The following XKR5 variants were observed in gnomAD, a reference collection of about 807,000 sequenced individuals.
XKR5 encodes XK related 5, also known as XK-related protein 5.
XKR5 carries 46 observed loss-of-function variants against 40.8 expected under a neutral mutation model. The observed-to-expected ratio is 1.13, with a 90% CI of 0.89 to 1.44. The LOEUF (loss-of-function observed/expected upper bound fraction) is 1.44. Among genes scored for constraint, XKR5 ranks in the 40% most tolerant of loss-of-function variants. The pLI, the probability that XKR5 is intolerant of heterozygous loss-of-function variation, is 0.00. For missense variants in XKR5, 1,169 were observed against 844.7 expected, an observed-to-expected ratio of 1.38 and a Z score of -4.76; for synonymous variants, 466 against 356.1, an observed-to-expected ratio of 1.31 and a Z score of -3.48.
rs1395653817 is a variant in XKR5 at position 6,815,854 on chromosome 8, C to T, written c.872G>A (p.Trp291Ter). 6.9e-6 allele frequency: 11 copies of T among 1,605,610 alleles called. No homozygotes were observed. The highest frequency in any genetic ancestry group is 1.1e-5 in the South Asian group (1 of 89,088). The change falls in exon 6 of 7, where the codon TGG (tryptophan) becomes TAG (stop). Residue 291 changes from tryptophan (W) to a stop codon, truncating the protein, a stop_gained. Coordinates refer to ENST00000618742, the MANE Select transcript of XKR5 (RefSeq NM_207411.5). LOFTEE classifies it low-confidence loss of function (END_TRUNC). ...CCCAGCTATGGTCTGCAGGCTGGTC[C>T]ACGATGCCCCCTGGAGAAAGTCGGT... ...LATDFLQGASWTSLQTIAGVL... is the reference protein window; with the variant it reads ...LATDFLQGAS
chr8:6,829,300 T>C (rs995218657), intron 2 of XKR5: 3 of 169,222 alleles, frequency 1.8e-5, no homozygotes, highest in Non-Finnish European at 4.4e-5. Flanking sequence ...ACAAGTGGAT[T>C]TGTGGGCTTA....
intron 2 of XKR5, 101 bp from the exon 3 acceptor site, chr8:6,825,450 T>G (rs1377045823): frequency 1.6e-6 from 2 of 1,228,358 alleles, no homozygotes; most frequent in African/African-American, 3.1e-5. Context: ...AGCAATATCC[T>G]ATGCCCTTAC....
At chr8:6,829,826 CTTTTTTTTTTTTTTTTT>C (rs140715953) in intron 2 of XKR5, among the ~76,000 whole-genome samples, 11 of 63,530 alleles carry the variant, frequency 1.7e-4, no homozygotes, top group Non-Finnish European at 2.9e-4. Context: ...CAAATTCTTG[CTTTTTTTTTTTTTTTTT>C]TTTTTTTTTT....
intron 4 of XKR5, 22 bp from the exon 5 acceptor site, chr8:6,822,060 A>G (rs1804264548): frequency 6.3e-7 from 1 of 1,591,250 alleles, no homozygotes; most frequent in Non-Finnish European, 8.6e-7. Context: ...CCGGGTGCAG[A>G]CGTCAGGGTC....
At position 6,825,136 on chromosome 8, in the gene XKR5, G is replaced by T. The variant is rs369074835; in HGVS notation, c.427+29C>A. ...CCTGTCCCCCTTCGGCAGTCAGACA[G>T]TCTGTGCTCTGTGGTGACAGTTACT... On this transcript the variant is annotated intron_variant, in intron 3 of 6. Transcript: ENST00000618742. 75 of 1,611,542 alleles carry T rather than the reference G, an allele frequency of 4.7e-5. 2 individuals carry two copies. In the African/African-American group the frequency reaches 5.6e-4, roughly 12 times the overall value.
Position 6,827,822 on chromosome 8 carries a change from T to C in XKR5, c.243-2473A>G, listed in dbSNP as rs544470685. On this transcript the variant is annotated intron_variant, in intron 2 of 6. Coordinates refer to ENST00000618742, the MANE Select transcript of XKR5 (RefSeq NM_207411.5). ...AGTAAGAGAAATGAATCCCAGCTTT[T>C]TGGGAGGCCAAGGCAGGAGGATTGC... Among the ~76,000 whole-genome samples, 9 of 152,260 alleles carry C rather than the reference T, an allele frequency of 5.9e-5. No homozygotes were observed. In the South Asian group the frequency reaches 1.9e-3, roughly 32 times the overall value.
At chr8:6,835,042 G>C (rs1407378456) in intron 1 of XKR5, among the ~76,000 whole-genome samples, 4 of 152,180 alleles carry the variant, frequency 2.6e-5, no homozygotes, top group Non-Finnish European at 4.4e-5. Context: ...CTTGCGCTCA[G>C]CACATCTTGG....
chr8:6,819,315 A>G (rs1275585794), intron 5 of XKR5, among the ~76,000 whole-genome samples: 2 of 152,194 alleles, frequency 1.3e-5, no homozygotes, highest in African/African-American at 4.8e-5. Flanking sequence ...GCAGAAGGTA[A>G]TGCTTTCGGA....
rs888050859 is a variant in XKR5 at position 6,809,535 on chromosome 8, C to G, written c.*1663G>C. On this transcript the variant is annotated 3_prime_UTR_variant, in exon 7 of 7. Transcript: ENST00000618742. Reference sequence around the variant, plus strand: ...AACTTCTGGCCTCAAGTGATCTTCCCGCCTCAGCCTCTCAAAGTGCTGGGA... The same window carrying G: ...AACTTCTGGCCTCAAGTGATCTTCCGGCCTCAGCCTCTCAAAGTGCTGGGA... 1 of 152,124 alleles carries G rather than the reference C, an allele frequency of 6.6e-6. No homozygotes were observed. Among genetic ancestry groups the G allele is most frequent in the Non-Finnish European group, 1.5e-5 (1 of 68,044 alleles). 9.4% of individuals were successfully genotyped at this position (152,124 alleles called of 1,614,324 possible).
rs774410247 is a variant in XKR5 at position 6,812,219 on chromosome 8, G to A, written c.1040C>T (p.Ser347Phe). ...AGGDKTERRD[S>F]PRATDLAGKR... ...CCCAGCTAGATCTGTGGCCCGGGGA[G>A]AATCTCTTCTCTCTGTTTTATCACC... is the stretch of plus-strand genomic sequence containing the variant. The change falls in exon 7 of 7, where the codon TCT (serine) becomes TTT (phenylalanine). Residue 347 changes from serine to phenylalanine, a missense_variant. By Grantham distance (155) the Ser-to-Phe change is radical. Transcript: ENST00000618742. The A allele has an allele frequency of 1.3e-6, 2 of 1,551,862 alleles. No homozygotes were observed. Among genetic ancestry groups the A allele is most frequent in the Non-Finnish European group, 1.7e-6 (2 of 1,147,070 alleles).
chr8:6,825,638 G>A lies in XKR5; in HGVS notation c.243-289C>T, dbSNP rs533445118. ...GAGCTGGAGCGGCTGCATGGCAAGG[G>A]AACCCAGACTGCCAGCTCTGTGAAG... On this transcript the variant is annotated intron_variant, in intron 2 of 6. Coordinates refer to ENST00000618742, the MANE Select transcript of XKR5 (RefSeq NM_207411.5). Among the ~76,000 whole-genome samples the A allele has an allele frequency of 5.9e-5, 9 of 151,990 alleles. No individual in the cohort carries two copies. The South Asian group carries it at 1.9e-3, about 32-fold the overall frequency.
chr8:6,815,904 C>T lies in XKR5; in HGVS notation c.822G>A (p.Glu274=). Residue 274 remains glutamate (E), a synonymous_variant, in exon 6 of 7, where the codon GAG becomes GAA. Coordinates refer to ENST00000618742, the MANE Select transcript of XKR5 (RefSeq NM_207411.5). ...TGGCCAACAGCAACAGGATGATGTT[C>T]TCCAACAGCATGACCTGCGGGACCC... The part of the protein sequence containing the change: ...MVTFYMVMLL[E]NIILLLLATD... 1 of 1,600,724 alleles carries T rather than the reference C, an allele frequency of 6.2e-7. No homozygotes were observed.
At position 6,826,203 on chromosome 8, in the gene XKR5, C is replaced by A. The variant is rs149155195; in HGVS notation, c.243-854G>T. On this transcript the variant is annotated intron_variant, in intron 2 of 6. Coordinates refer to ENST00000618742, the MANE Select transcript of XKR5 (RefSeq NM_207411.5). The stretch of plus-strand genomic sequence containing the variant: ...TGTGTGCAAGTGTGCAAAACATATG[C>A]ATATGTATATAGGCATTATGTGCTT... Among the ~76,000 whole-genome samples, 5 of 151,990 alleles carry A rather than the reference C, an allele frequency of 3.3e-5. No homozygotes were observed. The East Asian group carries it at 9.7e-4, about 29-fold the overall frequency.
At chr8:6,829,978 C>T (rs1197572861) in intron 2 of XKR5, among the ~76,000 whole-genome samples, 1 of 151,884 alleles carries the variant, frequency 6.6e-6, no homozygotes, top group African/African-American at 2.4e-5. Flanking sequence ...GCTGGGACTA[C>T]AGGCGCCCGC....
At chr8:6,826,711 G>T (rs528365370) in intron 2 of XKR5, among the ~76,000 whole-genome samples, 1 of 152,276 alleles carries the variant, frequency 6.6e-6, no homozygotes, top group East Asian at 1.9e-4. Flanking sequence ...GGGACTGGAA[G>T]TGGCCAGAAG....
At chr8:6,826,573 G>A (rs1250980656) in intron 2 of XKR5, among the ~76,000 whole-genome samples, 1 of 152,162 alleles carries the variant, frequency 6.6e-6, no homozygotes, top group African/African-American at 2.4e-5. Flanking sequence ...AAATGGTGGT[G>A]CTACCGACGG....
intron 6 of XKR5, among the ~76,000 whole-genome samples, chr8:6,814,917 C>T (rs1052424407): frequency 3.9e-5 from 6 of 152,338 alleles, no homozygotes; most frequent in South Asian, 4.1e-4. Context: ...CCACATCCAA[C>T]CCCCGGCTGC....
rs1804974497 is a variant in XKR5 at position 6,835,498 on chromosome 8, C to T, written c.-5G>A. The T allele has an allele frequency of 6.7e-7, 1 of 1,497,766 alleles. No individual in the cohort carries two copies. The highest frequency in any genetic ancestry group is 8.9e-7 in the Non-Finnish European group (1 of 1,129,924). 92.8% of individuals were successfully genotyped at this position (1,497,766 alleles called of 1,614,324 possible). A position where few individuals can be genotyped will look rare whatever the true frequency, so the allele number is the denominator to read the frequency against. On this transcript the variant is annotated 5_prime_UTR_variant, in exon 1 of 7. Coordinates refer to ENST00000618742, the MANE Select transcript of XKR5 (RefSeq NM_207411.5). ...CCCCAGGAGCCTCGCGTGCATCTTCCGTGCCGACCCCGCAGCCTGCGCCCG... is the reference window on the plus strand; with the variant it reads ...CCCCAGGAGCCTCGCGTGCATCTTCTGTGCCGACCCCGCAGCCTGCGCCCG...
chr8:6,827,084 G>A (rs1278631755), intron 2 of XKR5, among the ~76,000 whole-genome samples: 2 of 152,138 alleles, frequency 1.3e-5, no homozygotes. Flanking sequence ...ACAACCTGAA[G>A]ATCCACATAG....
Sources: gnomAD v4.1 joint callset for allele counts (sites outside exome capture counted in the v4.1 genomes callset) on GRCh38, gnomAD v4.1.1 for gene constraint, MANE v1.5 for transcripts, NCBI Gene and HGNC (gene_info 2026-07-23, HGNC 2026-07-21) for gene names.